The following B3GAT2 variants were observed in gnomAD, a reference collection of about 807,000 sequenced individuals.
The protein encoded by B3GAT2 is beta-1,3-glucuronyltransferase 2.
A neutral mutation model predicts 27.8 loss-of-function variants in B3GAT2; 26 were observed. The observed-to-expected ratio is 0.93, with a 90% CI of 0.68 to 1.30. B3GAT2 has a LOEUF of 1.30. Among genes scored for constraint, B3GAT2 ranks in the 50% most tolerant of loss-of-function variants. The pLI, the probability that B3GAT2 is intolerant of heterozygous loss-of-function variation, is 0.00. For missense variants in B3GAT2, 458 were observed against 459.0 expected, an observed-to-expected ratio of 1.00 and a Z score of 0.02; for synonymous variants, 218 against 195.1, an observed-to-expected ratio of 1.12 and a Z score of -0.98.
intron 1 of B3GAT2, among the ~76,000 whole-genome samples, chr6:70,897,841 T>C (rs1007022435): frequency 6.6e-6 from 1 of 152,122 alleles, no homozygotes; most frequent in Admixed American, 6.5e-5. Context: ...TGTATATGGA[T>C]AACTAATTGT....
intron 2 of B3GAT2, among the ~76,000 whole-genome samples, chr6:70,891,600 G>A (rs1772289171): frequency 6.6e-6 from 1 of 152,130 alleles, no homozygotes; most frequent in Admixed American, 6.5e-5. Flanking sequence ...GGCTCTGAGG[G>A]GCTTCTACTG....
At chr6:70,939,641 G>A (rs1448583296) in intron 1 of B3GAT2, among the ~76,000 whole-genome samples, 4 of 151,214 alleles carry the variant, frequency 2.6e-5, no homozygotes, top group African/African-American at 4.9e-5. Flanking sequence ...GTAAACTATT[G>A]CAAGGACAAA....
intron 2 of B3GAT2, among the ~76,000 whole-genome samples, chr6:70,863,803 G>A (rs956641196): frequency 1.3e-5 from 2 of 152,128 alleles, no homozygotes; most frequent in African/African-American, 4.8e-5. Context: ...CACCATTTAT[G>A]GCTGAAAGAA....
At position 70,940,562 on chromosome 6, in the gene B3GAT2, C is replaced by G. The variant is rs184225533; in HGVS notation, c.591+15277G>C. On this transcript the variant is annotated intron_variant, in intron 1 of 3. Coordinates refer to ENST00000230053, the MANE Select transcript of B3GAT2 (RefSeq NM_080742.3). ...TCTTTGATTCATTCATTTGTGCCAA[C>G]GATAATCACTGTATCATGTAGTAAC... Among the ~76,000 whole-genome samples, 4 of 152,224 alleles carry G rather than the reference C, an allele frequency of 2.6e-5. No homozygotes were observed. The East Asian group carries it at 7.7e-4, about 29-fold the overall frequency.
chr6:70,934,094 T>C (rs1214216045), intron 1 of B3GAT2, among the ~76,000 whole-genome samples: 6 of 152,198 alleles, frequency 3.9e-5, no homozygotes, highest in Admixed American at 6.5e-5. Flanking sequence ...CTTGAGGTCA[T>C]GGGAGCCTTT....
chr6:70,908,402 C>T (rs1032041653), intron 1 of B3GAT2, among the ~76,000 whole-genome samples: 2 of 152,128 alleles, frequency 1.3e-5, no homozygotes, highest in Admixed American at 1.3e-4. Context: ...TAGTAAAGCG[C>T]TAAAATGCTA....
chr6:70,916,710 C>G (rs1259659154), intron 1 of B3GAT2, among the ~76,000 whole-genome samples: 1 of 152,014 alleles, frequency 6.6e-6, no homozygotes, highest in Non-Finnish European at 1.5e-5. Flanking sequence ...ATTGATTTGC[C>G]TATGTTGAAC....
intron 2 of B3GAT2, among the ~76,000 whole-genome samples, chr6:70,863,277 T>C (rs1771794404): frequency 6.6e-6 from 1 of 152,186 alleles, no homozygotes; most frequent in South Asian, 2.1e-4. Context: ...TGATACCAGG[T>C]GGTAATGGAG....
intron 2 of B3GAT2, among the ~76,000 whole-genome samples, chr6:70,882,362 A>G (rs531269671): frequency 1.4e-4 from 21 of 152,026 alleles, no homozygotes; most frequent in African/African-American, 4.1e-4. Context: ...TTAGCTGGGC[A>G]TGGTGGCGGG....
chr6:70,937,761 T>C (rs1190626193), intron 1 of B3GAT2, among the ~76,000 whole-genome samples: 2,704 of 152,160 alleles, frequency 0.018, 66 homozygotes, highest in African/African-American at 0.06. Flanking sequence ...CTCAAAATAA[T>C]AAGAGCTATC....
Position 70,956,741 on chromosome 6 carries a change from T to G in B3GAT2, c.-312A>C, listed in dbSNP as rs1195793002. ...CCGCCGGTCCCGGAGTTGTGCCGAGTGCGGGAAAGGCGCTGATCCCCACCG... is the reference window on the plus strand; with the variant it reads ...CCGCCGGTCCCGGAGTTGTGCCGAGGGCGGGAAAGGCGCTGATCCCCACCG... On this transcript the variant is annotated 5_prime_UTR_variant, in exon 1 of 4. Transcript: ENST00000230053. 7.8e-7 allele frequency: 1 copy of G among 1,279,678 alleles called. No homozygotes were observed. The highest frequency in any genetic ancestry group is 9.9e-7 in the Non-Finnish European group (1 of 1,010,828). The allele number at this position is 1,279,678 out of a possible 1,614,324, so 79.3% of individuals were successfully genotyped here.
intron 2 of B3GAT2, among the ~76,000 whole-genome samples, chr6:70,871,426 T>C (rs1771935381): frequency 6.6e-6 from 1 of 151,920 alleles, no homozygotes; most frequent in Admixed American, 6.6e-5. Flanking sequence ...ATTAATTCAA[T>C]CTCTCTGTTA....
At chr6:70,915,937 G>A (rs902800139) in intron 1 of B3GAT2, among the ~76,000 whole-genome samples, 3 of 151,292 alleles carry the variant, frequency 2.0e-5, no homozygotes, top group Admixed American at 1.3e-4. Context: ...CCAATTCTGT[G>A]AAGTCAGTGA....
chr6:70,885,205 T>G (rs1002154188), intron 2 of B3GAT2, among the ~76,000 whole-genome samples: 1 of 152,204 alleles, frequency 6.6e-6, no homozygotes, highest in Non-Finnish European at 1.5e-5. Context: ...ATGAGAATCA[T>G]TCTTTTAAAT....
At chr6:70,938,400 C>A (rs1213406301) in intron 1 of B3GAT2, among the ~76,000 whole-genome samples, 2 of 151,558 alleles carry the variant, frequency 1.3e-5, no homozygotes, top group Non-Finnish European at 2.9e-5. Context: ...TTGGAAAAAA[C>A]TACTTTAAAG....
chr6:70,881,822 T>A (rs987530640), intron 2 of B3GAT2, among the ~76,000 whole-genome samples: 2 of 152,210 alleles, frequency 1.3e-5, no homozygotes, highest in Admixed American at 6.5e-5. Context: ...ACCATCCTCT[T>A]ACTTCTCATA....
chr6:70,938,967 A>G (rs1374400969), intron 1 of B3GAT2, among the ~76,000 whole-genome samples: 1 of 151,928 alleles, frequency 6.6e-6, no homozygotes, highest in Non-Finnish European at 1.5e-5. Flanking sequence ...CAGGCAACCT[A>G]CAAAATGGGA....
chr6:70,953,440 G>A (rs990428890), intron 1 of B3GAT2, among the ~76,000 whole-genome samples: 1 of 152,150 alleles, frequency 6.6e-6, no homozygotes, highest in African/African-American at 2.4e-5. Context: ...TGCCATGCAT[G>A]GAAAATGTTA....
At chr6:70,923,837 G>A (rs1772910594) in intron 1 of B3GAT2, among the ~76,000 whole-genome samples, 2 of 152,112 alleles carry the variant, frequency 1.3e-5, no homozygotes, top group South Asian at 4.1e-4. Context: ...TGTGGAATAT[G>A]TTTTGGTTTC....
Sources: allele counts gnomAD v4.1 joint callset (sites outside exome capture counted in the v4.1 genomes callset), GRCh38; gene constraint gnomAD v4.1.1; transcripts MANE v1.5; gene names NCBI Gene and HGNC (gene_info 2026-07-23, HGNC 2026-07-21).